AGBL1: variants seen among roughly 807,000 people sequenced by gnomAD.
AGBL1 encodes the protein cytosolic carboxypeptidase 4.
In AGBL1, 130 loss-of-function variants were observed where a neutral mutation model predicts 118.9. That is an observed-to-expected ratio of 1.09 (90% CI 0.95 to 1.26). AGBL1 has a LOEUF of 1.26. AGBL1 is among the 50% of genes most tolerant of loss of function. The pLI, the probability that AGBL1 is intolerant of heterozygous loss-of-function variation, is 0.00. For missense variants in AGBL1, 1,584 were observed against 1,298.1 expected (o/e 1.22, Z -3.38); for synonymous variants, 555 against 478.9 (o/e 1.16, Z -2.08).
downstream of AGBL1, among the ~76,000 whole-genome samples, chr15:86,919,856 A>T (rs1596635220): frequency 6.6e-6 from 1 of 152,266 alleles, no homozygotes; most frequent in Non-Finnish European, 1.5e-5. Flanking sequence ...CAGTGTCTGG[A>T]GTCCCAGTGG....
chr15:86,997,501 T>C (rs748655729), intron 24 of AGBL1, among the ~76,000 whole-genome samples: 4 of 152,172 alleles, frequency 2.6e-5, no homozygotes, highest in African/African-American at 7.2e-5. Flanking sequence ...CCCTTTTCAA[T>C]TGTGGCTTTT....
chr15:86,711,867 A>G (rs1354712598), intron 22 of AGBL1, among the ~76,000 whole-genome samples: 2 of 152,216 alleles, frequency 1.3e-5, no homozygotes, highest in Admixed American at 1.3e-4. Flanking sequence ...AGAAATCAAT[A>G]CTGTGATAGT....
chr15:86,730,486 C>G (rs940328589), intron 22 of AGBL1, among the ~76,000 whole-genome samples: 1 of 152,142 alleles, frequency 6.6e-6, no homozygotes, highest in Admixed American at 6.5e-5. Flanking sequence ...AACTTTAGAA[C>G]ATTTTATTTT....
chr15:87,028,451 A>G (rs1196066246), intron 24 of AGBL1, among the ~76,000 whole-genome samples: 1 of 151,982 alleles, frequency 6.6e-6, no homozygotes, highest in African/African-American at 2.4e-5. Context: ...ATGTGTAAAC[A>G]ATAATACTTT....
At chr15:86,277,318 ATG>A (rs5814232) in intron 15 of AGBL1, among the ~76,000 whole-genome samples, 382 of 147,596 alleles carry the variant, frequency 2.6e-3, no homozygotes, top group Non-Finnish European at 3.7e-3. Context: ...GTGTGTGTGT[ATG>A]TGTGTGTGTG....
At chr15:86,702,467 AT>A (rs1306823386) in intron 22 of AGBL1, among the ~76,000 whole-genome samples, 1 of 152,108 alleles carries the variant, frequency 6.6e-6, no homozygotes, top group African/African-American at 2.4e-5. Flanking sequence ...AAGGGTTTAC[AT>A]TATTTTATCA....
rs912594082 is a variant in AGBL1 at position 86,171,092 on chromosome 15, A to G, written c.488+12066A>G. On this transcript the variant is annotated intron_variant, in intron 5 of 22. Transcript: ENST00000614907. ...TGAAATAAAGACTTTTCGGACATAC[A>G]AAAACTAAAAGACATCATCAACAGC... is the stretch of plus-strand genomic sequence containing the variant. 6.6e-5 allele frequency among the ~76,000 whole-genome samples: 10 copies of G among 152,338 alleles called. No individual in the cohort carries two copies. In the East Asian group the frequency reaches 9.6e-4, roughly 15 times the overall value.
chr15:86,287,778 G>T (rs75827756), intron 16 of AGBL1, among the ~76,000 whole-genome samples: 4,947 of 152,200 alleles, frequency 0.033, 169 homozygotes, highest in East Asian at 0.17. Context: ...TGAGCTCATA[G>T]AAATAATTCA....
intron 22 of AGBL1, among the ~76,000 whole-genome samples, chr15:86,837,052 CCA>C (rs1390642201): frequency 6.6e-6 from 1 of 152,070 alleles, no homozygotes; most frequent in Non-Finnish European, 1.5e-5. Context: ...TGGAAGACAG[CCA>C]CACACACTCC....
chr15:86,385,197 A>T (rs1441133025), intron 17 of AGBL1, among the ~76,000 whole-genome samples: 1 of 152,006 alleles, frequency 6.6e-6, no homozygotes, highest in Non-Finnish European at 1.5e-5. Context: ...TTTTCATATG[A>T]TAACATATTG....
chr15:86,278,185 A>G (rs1023696372), intron 15 of AGBL1, among the ~76,000 whole-genome samples: 3 of 152,362 alleles, frequency 2.0e-5, no homozygotes, highest in East Asian at 3.9e-4. Context: ...ATTGCGATCC[A>G]TATCACACCA....
intron 22 of AGBL1, among the ~76,000 whole-genome samples, chr15:86,683,138 A>C (rs2085991363): frequency 6.6e-6 from 1 of 152,130 alleles, no homozygotes; most frequent in Non-Finnish European, 1.5e-5. Context: ...AAACTGACAG[A>C]TGGGGGGGCA....
rs536233522 is a variant in AGBL1, at chr15:86,765,254, TATGCTTTTTCCAACAA to T, written c.3158+90821_3158+90836del. ...TTTGCCTTCTTCCCCTTGCAAAAAA[TATGCTTTTTCCAACAA>T]ATAATCATTGTGCTCCTAATAAGTG... is the stretch of plus-strand genomic sequence containing the variant. On this transcript the variant is annotated intron_variant, in intron 22 of 22. Coordinates refer to ENST00000614907, the MANE Select transcript of AGBL1 (RefSeq NM_001386094.1). Among the ~76,000 whole-genome samples the T allele has an allele frequency of 1.8e-4, 27 of 151,994 alleles. No individual in the cohort carries two copies. The East Asian group carries it at 3.9e-3, about 22-fold the overall frequency.
At chr15:86,097,283 A>G (rs1229382622) in intron 1 of AGBL1, among the ~76,000 whole-genome samples, 3 of 152,312 alleles carry the variant, frequency 2.0e-5, no homozygotes, top group South Asian at 2.1e-4. Context: ...TGGACTATCC[A>G]TCACTGAGTA....
In AGBL1 at chr15:86,380,433, C is replaced by A. The variant is rs186517049; in HGVS notation, c.2375-16933C>A. On this transcript the variant is annotated intron_variant, in intron 17 of 22. Transcript: ENST00000614907. ...CTGAGTAGCTGGGATTACAGGCGTGCGCCACCTGAGCCCGGCCCTTTCCTT... is the reference window on the plus strand; with the variant it reads ...CTGAGTAGCTGGGATTACAGGCGTGAGCCACCTGAGCCCGGCCCTTTCCTT... Among the ~76,000 whole-genome samples, 961 of 151,838 alleles carry A rather than the reference C, an allele frequency of 6.3e-3. 9 individuals carry two copies. The highest frequency in any genetic ancestry group is 0.022 in the African/African-American group (912 of 41,448).
intron 21 of AGBL1, among the ~76,000 whole-genome samples, chr15:86,562,185 C>T (rs1399900965): frequency 6.6e-6 from 1 of 152,088 alleles, no homozygotes; most frequent in Non-Finnish European, 1.5e-5. Flanking sequence ...GAACTTCCAA[C>T]ACTATGTTGA....
At chr15:86,130,615 C>G (rs1015904042) in intron 1 of AGBL1, among the ~76,000 whole-genome samples, 1 of 152,214 alleles carries the variant, frequency 6.6e-6, no homozygotes, top group African/African-American at 2.4e-5. Context: ...GAGAAACTCA[C>G]TAAAATCTTT....
At chr15:86,752,742 G>A (rs2077874219) in intron 22 of AGBL1, among the ~76,000 whole-genome samples, 1 of 151,998 alleles carries the variant, frequency 6.6e-6, no homozygotes, top group Admixed American at 6.6e-5. Context: ...CCATATTCTG[G>A]GAGAAAAAGT....
At chr15:86,917,026 G>A (rs891216542), downstream of AGBL1, among the ~76,000 whole-genome samples, 13 of 152,226 alleles carry the variant, frequency 8.5e-5, no homozygotes, top group South Asian at 2.1e-4. The surrounding 1 kb of genome is among the most constrained non-coding windows in gnomAD (Gnocchi z 4.8). Flanking sequence ...AATGAATTGA[G>A]TCAGCAAACT....
Sources: gnomAD v4.1 joint callset for allele counts (sites outside exome capture counted in the v4.1 genomes callset) on GRCh38, gnomAD v4.1.1 for gene constraint, Gnocchi (gnomAD v3.1) non-coding constraint, MANE v1.5 for transcripts, NCBI Gene and HGNC (gene_info 2026-07-23, HGNC 2026-07-21) for gene names.